Variants in MROH9 observed in about 807,000 individuals in gnomAD.
MROH9 encodes the protein maestro heat-like repeat-containing protein family member 9.
MROH9 carries 92 observed loss-of-function variants against 98.2 expected under a neutral mutation model. That is an observed-to-expected ratio of 0.94 (90% confidence interval 0.79 to 1.11). The LOEUF (loss-of-function observed/expected upper bound fraction) is 1.11. Among genes scored for constraint, MROH9 ranks in the 50% most tolerant of loss-of-function variants. The pLI, the probability that MROH9 is intolerant of heterozygous loss-of-function variation, is 0.00. For missense variants in MROH9, 1,057 were observed against 1,014.8 expected, an observed-to-expected ratio of 1.04 and a Z score of -0.57; for synonymous variants, 397 against 368.9, an observed-to-expected ratio of 1.08 and a Z score of -0.87.
At chr1:171,024,187 A>G (rs1485681662) in intron 17 of MROH9, among the ~76,000 whole-genome samples, 1 of 152,162 alleles carries the variant, frequency 6.6e-6, no homozygotes, top group Non-Finnish European at 1.5e-5. Context: ...ATATTATTTT[A>G]AAATTAAAAG....
intron 8 of MROH9, among the ~76,000 whole-genome samples, chr1:170,981,775 A>G (rs891176593): frequency 2.0e-5 from 3 of 152,076 alleles, no homozygotes; most frequent in African/African-American, 7.2e-5. Context: ...AAAAAAGACA[A>G]CCAAATAAAA....
chr1:170,947,433 G>A, intron 2 of MROH9, 94 bp from the exon 3 acceptor site: 5 of 1,005,886 alleles, frequency 5.0e-6, no homozygotes, highest in Non-Finnish European at 6.2e-6. Context: ...TGACATCAAG[G>A]TCATAGTAGC....
At chr1:170,965,333 C>G in intron 7 of MROH9, 78 bp downstream of exon 7, 4 of 985,748 alleles carry the variant, frequency 4.1e-6, no homozygotes, top group Non-Finnish European at 6.4e-6. Context: ...GTCTTGGGTC[C>G]TAACAGTACT....
At chr1:170,936,662 G>T (rs914330519) in intron 1 of MROH9, among the ~76,000 whole-genome samples, 6 of 152,112 alleles carry the variant, frequency 3.9e-5, no homozygotes, top group Non-Finnish European at 7.3e-5. Context: ...ATATCCTTAA[G>T]CCATAGTTAA....
At chr1:170,948,191 C>T (rs955998209) in intron 3 of MROH9, among the ~76,000 whole-genome samples, 1 of 151,922 alleles carries the variant, frequency 6.6e-6, no homozygotes, top group East Asian at 1.9e-4. Flanking sequence ...CTAATAGACC[C>T]TACCATCATT....
chr1:170,998,728 A>T lies in MROH9; in HGVS notation c.1596+454A>T, dbSNP rs1338581987. The T allele has an allele frequency of 6.0e-6, 6 of 1,001,608 alleles. No individual in the cohort carries two copies. In the South Asian group the frequency reaches 2.3e-4, roughly 38 times the overall value. The allele number at this position is 1,001,608 out of a possible 1,614,324, so 62.0% of individuals were successfully genotyped here. The stretch of plus-strand genomic sequence containing the variant: ...TTACTTTGTATATCAATATTGTGCC[A>T]TGTATTGTAATACTATAATGGAATC... On this transcript the variant is annotated intron_variant, in intron 15 of 21. Transcript: ENST00000367759.
intron 16 of MROH9, among the ~76,000 whole-genome samples, chr1:171,014,801 T>G (rs1308233025): frequency 6.6e-6 from 1 of 152,242 alleles, no homozygotes; most frequent in Non-Finnish European, 1.5e-5. Flanking sequence ...GCATAGTTCT[T>G]GAACCAGCAG....
chr1:171,051,283 G>A (rs1264311169), intron 20 of MROH9, among the ~76,000 whole-genome samples: 1 of 152,008 alleles, frequency 6.6e-6, no homozygotes, highest in African/African-American at 2.4e-5. Flanking sequence ...AAAGATACAT[G>A]CACAGGTATG....
chr1:170,999,104 C>T (rs911893684), intron 15 of MROH9, among the ~76,000 whole-genome samples: 1 of 152,012 alleles, frequency 6.6e-6, no homozygotes, highest in Non-Finnish European at 1.5e-5. Flanking sequence ...ATTGACTATT[C>T]TTTGCCCGGT....
intron 20 of MROH9, among the ~76,000 whole-genome samples, chr1:171,060,358 A>G (rs767723736): frequency 1.3e-5 from 2 of 152,178 alleles, no homozygotes; most frequent in Non-Finnish European, 2.9e-5. Flanking sequence ...GTTCTCCCCA[A>G]ATTGATCTGT....
At chr1:170,965,122 T>C in intron 6 of MROH9, 29 bp from the exon 7 acceptor site, 1 of 1,537,766 alleles carries the variant, frequency 6.5e-7, no homozygotes, top group Non-Finnish European at 9.0e-7. Context: ...AATTTCATGG[T>C]TCTAGGATGA....
At chr1:170,986,742 A>G (rs774450017) in intron 10 of MROH9, 32 bp downstream of exon 10, 24 of 1,606,522 alleles carry the variant, frequency 1.5e-5, no homozygotes, top group Non-Finnish European at 2.0e-5. Flanking sequence ...AGGAGAGCAC[A>G]GGGTTTACTC....
intron 10 of MROH9, among the ~76,000 whole-genome samples, chr1:170,987,445 A>G (rs1289576692): frequency 6.6e-6 from 1 of 152,212 alleles, no homozygotes; most frequent in Non-Finnish European, 1.5e-5. Flanking sequence ...CATAGGAAAT[A>G]ATGTCATTAA....
Position 170,947,017 on chromosome 1 carries a change from T to TA in MROH9, c.26-509dup, listed in dbSNP as rs568092829. 4.3e-3 allele frequency among the ~76,000 whole-genome samples: 656 copies of TA among 152,114 alleles called. 6 individuals are homozygous for TA. The highest frequency in any genetic ancestry group is 0.015 in the African/African-American group (619 of 41,548). ...TTCCAGAAATGGTAAATGATGGTGGTAGTAATGATAATCTTTGTTTTATTC... is the reference window on the plus strand; with the variant it reads ...TTCCAGAAATGGTAAATGATGGTGGTAAGTAATGATAATCTTTGTTTTATTC... On this transcript the variant is annotated intron_variant, in intron 2 of 21. Transcript: ENST00000367759.
In MROH9 at chr1:171,014,258, T is replaced by C. The variant is rs1464619943; in HGVS notation, c.1734+4T>C. The C allele has an allele frequency of 1.1e-5, 17 of 1,547,914 alleles. No homozygotes were observed. The East Asian group carries it at 1.2e-4, about 11-fold the overall frequency. ...CATGTCACCAATTATCAATAAGGTA[T>C]GTGTATGTGATTTGTGTCTGCAAGC... is the stretch of plus-strand genomic sequence containing the variant. On this transcript the variant is annotated splice_donor_region_variant and intron_variant, in intron 16 of 21. Coordinates refer to ENST00000367759, the MANE Select transcript of MROH9 (RefSeq NM_001163629.2).
chr1:171,040,076 A>G (rs1653247192), intron 20 of MROH9, among the ~76,000 whole-genome samples: 1 of 152,164 alleles, frequency 6.6e-6, no homozygotes, highest in African/African-American at 2.4e-5. Flanking sequence ...ATGAACCTAG[A>G]GGACGTTAAA....
chr1:170,936,981 T>C lies in MROH9; in HGVS notation c.-38+1394T>C, dbSNP rs531022131. On this transcript the variant is annotated intron_variant, in intron 1 of 21. Transcript: ENST00000367759. Reference sequence around the variant, plus strand: ...ACTTTTCAAGGAAAAACATGTTTTATGACTTGAGTTTATCTGTCTAGTGAC... The same window carrying C: ...ACTTTTCAAGGAAAAACATGTTTTACGACTTGAGTTTATCTGTCTAGTGAC... Among the ~76,000 whole-genome samples, 13 of 152,302 alleles carry C rather than the reference T, an allele frequency of 8.5e-5. No homozygotes were observed. The East Asian group carries it at 2.5e-3, about 29-fold the overall frequency.
chr1:170,967,821 T>A (rs1650290936), intron 7 of MROH9, among the ~76,000 whole-genome samples: 1 of 151,552 alleles, frequency 6.6e-6, no homozygotes, highest in South Asian at 2.1e-4. Flanking sequence ...GCATGTCAAC[T>A]TATAGCATTA....
chr1:171,015,538 C>A (rs560642576), intron 16 of MROH9, among the ~76,000 whole-genome samples: 8 of 152,088 alleles, frequency 5.3e-5, no homozygotes, highest in African/African-American at 1.9e-4. Flanking sequence ...TTCTCCTTGC[C>A]TTTCTTTCTC....
Sources: allele counts gnomAD v4.1 joint callset (sites outside exome capture counted in the v4.1 genomes callset), GRCh38; gene constraint gnomAD v4.1.1; transcripts MANE v1.5; gene names NCBI Gene and HGNC (gene_info 2026-07-23, HGNC 2026-07-21).